AOX1: variants seen among roughly 807,000 people sequenced by gnomAD.
AOX1 encodes aldehyde oxidase 1, also known as aldehyde oxidase.
Under a neutral mutation model 169.5 loss-of-function variants are expected in AOX1, and 153 were observed. That is an observed-to-expected ratio of 0.90 (90% CI 0.79 to 1.03). The LOEUF is 1.03. Ranked by LOEUF, AOX1 falls within the 50% of genes least tolerant of loss-of-function variation. The pLI is 0.00. For synonymous variants in AOX1, 562 were observed against 581.9 expected (o/e 0.97, Z 0.49); for missense variants, 1,656 against 1,663.9 (o/e 1.00, Z 0.08).
At chr2:200,655,505 A>G (rs1159056065) in intron 26 of AOX1, among the ~76,000 whole-genome samples, 2 of 152,198 alleles carry the variant, frequency 1.3e-5, no homozygotes, top group South Asian at 2.1e-4. Context: ...CTTGGGTGTC[A>G]TTATCATGGC....
chr2:200,616,789 A>G (rs2002957), intron 16 of AOX1, among the ~76,000 whole-genome samples: 15,355 of 152,266 alleles, frequency 0.1, 1,029 homozygotes, highest in Non-Finnish European at 0.15. Context: ...CGAGAGTTTT[A>G]GTAAGTCAAG....
At position 200,614,666 on chromosome 2, in the gene AOX1, C is replaced by G. The variant is rs534525641; in HGVS notation, c.1611+700C>G. On this transcript the variant is annotated intron_variant, in intron 15 of 34. Transcript: ENST00000374700. ...AAACCCCATGCTATAACCAGCTGAC[C>G]AAAACAGACTGGAAGCCAAGAACAG... 2.6e-5 allele frequency among the ~76,000 whole-genome samples: 4 copies of G among 152,232 alleles called. No individual in the cohort carries two copies. In the South Asian group the frequency reaches 8.3e-4, roughly 32 times the overall value.
At position 200,670,940 on chromosome 2, in the gene AOX1, C is replaced by T; in HGVS notation, c.*261C>T. ...GGTGATATCCGTCATTACTCTGTCT[C>T]TTCAATCCATCCAGCTAAATGGAAT... On this transcript the variant is annotated 3_prime_UTR_variant, in exon 35 of 35. Transcript: ENST00000374700. The T allele has an allele frequency of 2.6e-6, 1 of 386,798 alleles. No individual in the cohort carries two copies. The highest frequency in any genetic ancestry group is 4.6e-6 in the Non-Finnish European group (1 of 216,570). 24.0% of individuals were successfully genotyped at this position (386,798 alleles called of 1,614,324 possible).
At chr2:200,660,312 TC>T (rs2035795757) in intron 29 of AOX1, among the ~76,000 whole-genome samples, 1 of 152,232 alleles carries the variant, frequency 6.6e-6, no homozygotes, top group Non-Finnish European at 1.5e-5. Flanking sequence ...CTGCCAGAAC[TC>T]CTGTTTTAAT....
intron 20 of AOX1, among the ~76,000 whole-genome samples, chr2:200,631,657 G>A (rs1292308636): frequency 6.6e-6 from 1 of 152,170 alleles, no homozygotes; most frequent in African/African-American, 2.4e-5. Context: ...CACTACGGGT[G>A]GGGGCTGTCA....
intron 16 of AOX1, among the ~76,000 whole-genome samples, chr2:200,617,337 T>C (rs1476775463): frequency 6.6e-6 from 1 of 152,130 alleles, no homozygotes; most frequent in Non-Finnish European, 1.5e-5. Context: ...TCATTTGCTT[T>C]GAAAATATTT....
downstream of AOX1, among the ~76,000 whole-genome samples, chr2:200,676,002 A>G (rs1163447032): frequency 6.6e-6 from 1 of 152,064 alleles, no homozygotes; most frequent in East Asian, 1.9e-4. Context: ...TTTAGAAACT[A>G]TCAAAAATTA....
Position 200,620,652 on chromosome 2 carries a change from T to G in AOX1, c.1707T>G (p.Asn569Lys). ...TATTTTGGTTATTTATTAAACAGAATATAGGCCCAAAGCAGCATCCTGAAG... is the reference window on the plus strand; with the variant it reads ...TATTTTGGTTATTTATTAAACAGAAGATAGGCCCAAAGCAGCATCCTGAAG... ...KHHCSTLKYQNIGPKQHPEDP... is the reference protein window; with the variant it reads ...KHHCSTLKYQKIGPKQHPEDP... Residue 569 changes from asparagine to lysine, a missense_variant and splice_region_variant, in exon 17 of 35, where the codon AAT (asparagine) becomes AAG (lysine). Physicochemically the swap from Asn to Lys is moderately conservative, Grantham distance 94. Coordinates refer to ENST00000374700, the MANE Select transcript of AOX1 (RefSeq NM_001159.4). 2.0e-6 allele frequency: 3 copies of G among 1,530,040 alleles called. No homozygotes were observed. In the South Asian group the frequency reaches 4.1e-5, roughly 21 times the overall value. 94.8% of individuals were successfully genotyped at this position (1,530,040 alleles called of 1,614,324 possible).
chr2:200,635,119 A>G (rs775941234), intron 21 of AOX1, among the ~76,000 whole-genome samples: 1 of 152,196 alleles, frequency 6.6e-6, no homozygotes, highest in Non-Finnish European at 1.5e-5. Context: ...CTCTAACACA[A>G]AACAAACAAA....
intron 20 of AOX1, among the ~76,000 whole-genome samples, chr2:200,627,771 T>C (rs1419032940): frequency 6.6e-6 from 1 of 152,168 alleles, no homozygotes; most frequent in African/African-American, 2.4e-5. Flanking sequence ...CTCAATCTTA[T>C]AGGCTGGAAA....
chr2:200,659,576 G>C (rs1232796036), intron 28 of AOX1, among the ~76,000 whole-genome samples: 1 of 152,158 alleles, frequency 6.6e-6, no homozygotes, highest in African/African-American at 2.4e-5. Context: ...TTTAAGACAG[G>C]CTCGCGCCTC....
rs1429024239 is a variant in AOX1 at position 200,641,191 on chromosome 2, G to C, written c.2655+7G>C. On this transcript the variant is annotated splice_region_variant and intron_variant, in intron 24 of 34. Transcript: ENST00000374700. ...CTTGGATGAATCATTATTCGTAAGT[G>C]TTTTAAGGAGCAAGTTCACATTCCT... 1 of 1,581,976 alleles carries C rather than the reference G, an allele frequency of 6.3e-7. No individual in the cohort carries two copies. Among genetic ancestry groups the C allele is most frequent in the South Asian group, 1.1e-5 (1 of 90,178 alleles).
intron 30 of AOX1, 84 bp from the exon 31 acceptor site, chr2:200,662,771 C>T (rs944650222): frequency 1.1e-5 from 11 of 1,040,918 alleles, no homozygotes; most frequent in Admixed American, 3.4e-5. Flanking sequence ...CTGTGGCTTG[C>T]ATAAATCCTC....
chr2:200,622,929 T>C (rs779171855), intron 18 of AOX1, among the ~76,000 whole-genome samples: 20 of 152,236 alleles, frequency 1.3e-4, no homozygotes, highest in Non-Finnish European at 2.4e-4. Context: ...TCAACAGTTA[T>C]CAACACGTTA....
intron 23 of AOX1, among the ~76,000 whole-genome samples, chr2:200,638,632 A>G (rs4261701): frequency 1.1e-3 from 167 of 152,326 alleles, no homozygotes; most frequent in African/African-American, 3.8e-3. Context: ...CATATAAAAG[A>G]GGTAAAAGTA....
chr2:200,652,276 G>A (rs2035594205), intron 26 of AOX1, among the ~76,000 whole-genome samples: 1 of 152,122 alleles, frequency 6.6e-6, no homozygotes, highest in Non-Finnish European at 1.5e-5. Flanking sequence ...GCAGGTGGTA[G>A]GTCAGAGAAG....
At chr2:200,615,913 A>G in intron 15 of AOX1, 58 bp from the exon 16 acceptor site, 1 of 1,347,466 alleles carries the variant, frequency 7.4e-7, no homozygotes, top group East Asian at 2.3e-5. Flanking sequence ...CCTCACTTCC[A>G]AAATCATTCT....
At chr2:200,615,935 A>G in intron 15 of AOX1, 36 bp from the exon 16 acceptor site, 1 of 1,494,604 alleles carries the variant, frequency 6.7e-7, no homozygotes. Flanking sequence ...GTGCATTCAA[A>G]CTATTTAAAA....
chr2:200,606,254 T>G (rs2034511374), intron 10 of AOX1, among the ~76,000 whole-genome samples: 1 of 152,192 alleles, frequency 6.6e-6, no homozygotes, highest in African/African-American at 2.4e-5. Flanking sequence ...CTTTCCCCAT[T>G]GCTTGTTTTT....
Sources: gnomAD v4.1 joint callset for allele counts (sites outside exome capture counted in the v4.1 genomes callset) on GRCh38, gnomAD v4.1.1 for gene constraint, MANE v1.5 for transcripts, NCBI Gene and HGNC (gene_info 2026-07-23, HGNC 2026-07-21) for gene names.